KLF13: variants seen among roughly 807,000 people sequenced by gnomAD.
KLF13 encodes the protein Krueppel-like factor 13.
A neutral mutation model predicts 16.7 loss-of-function variants in KLF13; 8 were observed. The ratio of observed to expected loss-of-function variants is 0.48; its 90% CI spans 0.28 to 0.87. KLF13 has a LOEUF of 0.87. Among genes scored for constraint, KLF13 ranks in the 40% least tolerant of loss-of-function variants. KLF13 has a pLI of 0.10. For missense variants in KLF13, 447 were observed against 452.2 expected (o/e 0.99, Z 0.10); for synonymous variants, 245 against 208.4 (o/e 1.18, Z -1.51).
downstream of KLF13, among the ~76,000 whole-genome samples, chr15:31,379,344 T>C (rs1164582295): frequency 6.6e-6 from 1 of 152,192 alleles, no homozygotes; most frequent in Non-Finnish European, 1.5e-5. Flanking sequence ...CTCAGAGCCA[T>C]TTATTGCTCA....
In KLF13 at chr15:31,373,827, C is replaced by T. The variant is rs931760899; in HGVS notation, c.*1528C>T. 8 of 151,340 alleles carry T rather than the reference C, an allele frequency of 5.3e-5. No homozygotes were observed. The highest frequency in any genetic ancestry group is 2.1e-4 in the South Asian group (1 of 4,790). 9.4% of individuals were successfully genotyped at this position (151,340 alleles called of 1,614,324 possible). On this transcript the variant is annotated 3_prime_UTR_variant, in exon 2 of 2. Coordinates refer to ENST00000307145, the MANE Select transcript of KLF13 (RefSeq NM_015995.4). ...GAGTTGAGGCCTGTAAATACAAGGG[C>T]CCAGGACAGAGTGTGTGCGTGCGTG...
chr15:31,330,996 C>G (rs999884617), intron 1 of KLF13, among the ~76,000 whole-genome samples: 1 of 152,202 alleles, frequency 6.6e-6, no homozygotes, highest in African/African-American at 2.4e-5. Flanking sequence ...GACTGGTTGC[C>G]CAGATCCTGC....
intron 1 of KLF13, among the ~76,000 whole-genome samples, chr15:31,334,229 C>T (rs1016648119): frequency 6.6e-6 from 1 of 152,216 alleles, no homozygotes; most frequent in Non-Finnish European, 1.5e-5. Flanking sequence ...TAATAGCCAG[C>T]TCAAGGGTAA....
At chr15:31,406,083 G>A (rs117566547), downstream of KLF13, among the ~76,000 whole-genome samples, 2,373 of 152,250 alleles carry the variant, frequency 0.016, 20 homozygotes, top group Non-Finnish European at 0.023. Context: ...AGGAGGATAG[G>A]AAAGTAAAGT....
chr15:31,423,139 G>GTATATATATACACA (rs1491468052), intron 1 of KLF13, among the ~76,000 whole-genome samples: 1 of 15,156 alleles, frequency 6.6e-5, no homozygotes. Context: ...ATACGTATAC[G>GTATATATATACACA]TATACGTATA....
At chr15:31,352,461 G>A (rs932541405) in intron 1 of KLF13, among the ~76,000 whole-genome samples, 3 of 152,228 alleles carry the variant, frequency 2.0e-5, no homozygotes, top group African/African-American at 7.2e-5. Context: ...CTGGCCACGG[G>A]CTCCATGCCT....
At chr15:31,412,210 GA>G (rs1237730401) in intron 1 of KLF13, among the ~76,000 whole-genome samples, 2 of 151,986 alleles carry the variant, frequency 1.3e-5, no homozygotes, top group African/African-American at 4.8e-5. Context: ...TGCCATCTTT[GA>G]AAAAAAGGAG....
chr15:31,331,173 C>T (rs2140929483), intron 1 of KLF13, among the ~76,000 whole-genome samples: 2 of 152,352 alleles, frequency 1.3e-5, no homozygotes, highest in South Asian at 4.1e-4. Flanking sequence ...CCCTCCAGCG[C>T]TGGAGTCAAA....
intron 1 of KLF13, among the ~76,000 whole-genome samples, chr15:31,364,962 G>T (rs903100636): frequency 6.6e-6 from 1 of 152,224 alleles, no homozygotes; most frequent in African/African-American, 2.4e-5. Flanking sequence ...CTGTATGCCT[G>T]AGTTTCATTG....
intron 1 of KLF13, among the ~76,000 whole-genome samples, chr15:31,431,360 A>G (rs956158102): frequency 6.6e-6 from 1 of 152,232 alleles, no homozygotes; most frequent in African/African-American, 2.4e-5. Flanking sequence ...TCTCAAATGG[A>G]AACAACAGAA....
At chr15:31,369,284 A>G (rs2039521204) in intron 1 of KLF13, among the ~76,000 whole-genome samples, 2 of 152,220 alleles carry the variant, frequency 1.3e-5, no homozygotes, top group Admixed American at 6.5e-5. Context: ...AACATTGACA[A>G]CTAGTGCTAA....
At position 31,372,404 on chromosome 15, in the gene KLF13, AAAC is replaced by A; in HGVS notation, c.*108_*110del. On this transcript the variant is annotated 3_prime_UTR_variant, in exon 2 of 2. Coordinates refer to ENST00000307145, the MANE Select transcript of KLF13 (RefSeq NM_015995.4). ...AGAACTTGATGCAAAGTCCACGAAA[AAAC>A]AATTTTTTTCACCTCAGGTGTCAAA... 1 of 1,263,740 alleles carries A rather than the reference AAAC, an allele frequency of 7.9e-7. No individual in the cohort carries two copies. Among genetic ancestry groups the A allele is most frequent in the Non-Finnish European group, 1.0e-6 (1 of 979,804 alleles). The allele number at this position is 1,263,740 out of a possible 1,614,324, so 78.3% of individuals were successfully genotyped here.
At chr15:31,425,138 G>T (rs2040385976) in intron 1 of KLF13, among the ~76,000 whole-genome samples, 1 of 152,018 alleles carries the variant, frequency 6.6e-6, no homozygotes, top group Non-Finnish European at 1.5e-5. Flanking sequence ...AATTAAAGAA[G>T]ATATAAATGC....
chr15:31,362,839 A>G (rs780342757), intron 1 of KLF13, among the ~76,000 whole-genome samples: 1 of 151,812 alleles, frequency 6.6e-6, no homozygotes, highest in Non-Finnish European at 1.5e-5. Flanking sequence ...TGTTTTCCTC[A>G]CTCAGCTTGG....
At chr15:31,363,331 T>C (rs1215925503) in intron 1 of KLF13, among the ~76,000 whole-genome samples, 1 of 152,270 alleles carries the variant, frequency 6.6e-6, no homozygotes, top group Non-Finnish European at 1.5e-5. Context: ...TATTTTTCTT[T>C]TTAAAATTCC....
At chr15:31,349,232 A>G (rs1242324337) in intron 1 of KLF13, among the ~76,000 whole-genome samples, 1 of 152,154 alleles carries the variant, frequency 6.6e-6, no homozygotes, top group Non-Finnish European at 1.5e-5. Flanking sequence ...TGTGACTGTC[A>G]TTCCATCTGG....
chr15:31,334,858 G>A (rs1416098751), intron 1 of KLF13, among the ~76,000 whole-genome samples: 2 of 152,228 alleles, frequency 1.3e-5, no homozygotes, highest in African/African-American at 4.8e-5. Context: ...TGAGGTTGGG[G>A]TCATGGAGAC....
intron 1 of KLF13, among the ~76,000 whole-genome samples, chr15:31,329,855 G>C (rs542600942): frequency 6.6e-6 from 1 of 152,186 alleles, no homozygotes; most frequent in African/African-American, 2.4e-5. Context: ...ACAGGGCTCC[G>C]GCAGCGGGGT....
intron 2 of KLF13, among the ~76,000 whole-genome samples, chr15:31,401,959 T>G (rs1300357888): frequency 6.6e-6 from 1 of 152,200 alleles, no homozygotes; most frequent in Non-Finnish European, 1.5e-5. Flanking sequence ...ACCCCAACTC[T>G]CAGCAGAATT....
Sources: allele counts gnomAD v4.1 joint callset (sites outside exome capture counted in the v4.1 genomes callset), GRCh38; gene constraint gnomAD v4.1.1; transcripts MANE v1.5; gene names NCBI Gene and HGNC (gene_info 2026-07-23, HGNC 2026-07-21).